The following GABRB2 variants were observed in gnomAD, a reference collection of about 807,000 sequenced individuals.
The protein encoded by GABRB2 is gamma-aminobutyric acid receptor subunit beta-2.
GABRB2 carries 16 observed loss-of-function variants against 54.7 expected under a neutral mutation model. The observed-to-expected ratio is 0.29, with a 90% CI of 0.20 to 0.44. GABRB2 has a LOEUF of 0.44. Among genes scored for constraint, GABRB2 ranks in the 20% least tolerant of loss-of-function variants. The pLI is 1.00. For missense variants in GABRB2, 355 were observed against 644.0 expected, an observed-to-expected ratio of 0.55 and a Z score of 4.86; for synonymous variants, 244 against 233.8, an observed-to-expected ratio of 1.04 and a Z score of -0.40.
chr5:161,409,567 A>G (rs1316531759), intron 5 of GABRB2, among the ~76,000 whole-genome samples: 1 of 152,114 alleles, frequency 6.6e-6, no homozygotes, highest in Non-Finnish European at 1.5e-5. Flanking sequence ...ATATCCCAGA[A>G]TAATTTTCCC....
Position 161,336,687 on chromosome 5 carries a change from T to A in GABRB2, c.624A>T (p.Pro208=). The part of the protein sequence containing the change: ...AVTGVTKIEL[P]QFSIVDYKLI... Reference sequence around the variant, plus strand: ...GTTTGTAATCTACAATAGAGAACTGTGGAAGTTCAATTTTCGTTACTCCTG... The same window carrying A: ...GTTTGTAATCTACAATAGAGAACTGAGGAAGTTCAATTTTCGTTACTCCTG... The change falls in exon 6 of 10, where the codon CCA becomes CCT. Residue 208 remains proline, a synonymous_variant. Transcript: ENST00000393959. 1 of 1,613,480 alleles carries A rather than the reference T, an allele frequency of 6.2e-7. No homozygotes were observed. Among genetic ancestry groups the A allele is most frequent in the South Asian group, 1.1e-5 (1 of 91,060 alleles).
intron 5 of GABRB2, among the ~76,000 whole-genome samples, chr5:161,355,386 TAAC>T (rs921007385): frequency 3.2e-4 from 48 of 149,576 alleles, no homozygotes; most frequent in African/African-American, 1.1e-3. Flanking sequence ...AATGATGTCA[TAAC>T]AACTGTCACA....
intron 8 of GABRB2, chr5:161,329,894 C>A (rs2113395651): frequency 6.6e-6 from 1 of 152,250 alleles, no homozygotes; most frequent in East Asian, 1.9e-4. Flanking sequence ...GTTAGTGCAG[C>A]AAGTGCTATA....
In GABRB2 at chr5:161,290,625, T is replaced by G. The variant is rs1757211592; in HGVS notation, c.*3456A>C. ...CAACATATGAATGCATATATATGTA[T>G]GTATGTTTATATGAATCTATATATA... On this transcript the variant is annotated 3_prime_UTR_variant, in exon 10 of 10. Transcript: ENST00000393959. 6.6e-6 allele frequency: 1 copy of G among 152,606 alleles called. No individual in the cohort carries two copies. The highest frequency in any genetic ancestry group is 6.6e-5 in the Admixed American group (1 of 15,258). 9.5% of individuals were successfully genotyped at this position (152,606 alleles called of 1,614,324 possible). A position where few individuals can be genotyped will look rare whatever the true frequency, so the allele number is the denominator to read the frequency against.
chr5:161,498,211 A>G (rs1009326343), intron 3 of GABRB2, among the ~76,000 whole-genome samples: 2 of 152,182 alleles, frequency 1.3e-5, no homozygotes, highest in African/African-American at 4.8e-5. Context: ...CTTAAAATAA[A>G]TCATATTGGG....
intron 5 of GABRB2, among the ~76,000 whole-genome samples, chr5:161,347,513 T>G (rs970708116): frequency 3.3e-5 from 5 of 152,244 alleles, no homozygotes; most frequent in African/African-American, 1.2e-4. Context: ...CCTTGCTACT[T>G]GCTTTAATCA....
chr5:161,385,992 GTGTGTT>G (rs964969978), intron 5 of GABRB2, among the ~76,000 whole-genome samples: 2 of 135,074 alleles, frequency 1.5e-5, no homozygotes, highest in Admixed American at 7.8e-5. Flanking sequence ...GTGTGTGTGT[GTGTGTT>G]ACTTGAGAAT....
intron 3 of GABRB2, among the ~76,000 whole-genome samples, chr5:161,519,707 T>C (rs1760055060): frequency 6.6e-6 from 1 of 152,122 alleles, no homozygotes. Flanking sequence ...AGAAAAATCT[T>C]TCACATTTTT....
intron 3 of GABRB2, among the ~76,000 whole-genome samples, chr5:161,480,853 T>C (rs762958118): frequency 2.0e-5 from 3 of 151,926 alleles, no homozygotes; most frequent in Non-Finnish European, 2.9e-5. Flanking sequence ...AAAGTTTAAT[T>C]TGAGGGTGAA....
At chr5:161,342,391 A>G (rs566239011) in intron 5 of GABRB2, among the ~76,000 whole-genome samples, 99 of 152,148 alleles carry the variant, frequency 6.5e-4, no homozygotes, top group African/African-American at 2.3e-3. Flanking sequence ...TATTAGTAAA[A>G]CTTGATTTCT....
chr5:161,400,687 T>C (rs982354651), intron 5 of GABRB2, among the ~76,000 whole-genome samples: 5 of 152,170 alleles, frequency 3.3e-5, no homozygotes, highest in Non-Finnish European at 7.3e-5. Context: ...GCTTCACTTT[T>C]GAGAACCCGT....
intron 4 of GABRB2, among the ~76,000 whole-genome samples, chr5:161,412,052 G>T (rs796957873): frequency 2.6e-5 from 4 of 152,126 alleles, no homozygotes; most frequent in South Asian, 4.1e-4. Context: ...ACTGTAGTGT[G>T]AGGGGCACTA....
intron 3 of GABRB2, among the ~76,000 whole-genome samples, chr5:161,484,689 A>G (rs914977724): frequency 1.3e-5 from 2 of 152,026 alleles, no homozygotes; most frequent in Non-Finnish European, 2.9e-5. Flanking sequence ...TAAACTCTAC[A>G]TATACAATGA....
At chr5:161,297,918 A>G (rs1031297061) in intron 9 of GABRB2, among the ~76,000 whole-genome samples, 6 of 152,094 alleles carry the variant, frequency 3.9e-5, no homozygotes, top group African/African-American at 7.2e-5. Flanking sequence ...AAGTGTTCCT[A>G]TTTCTCCACA....
At chr5:161,350,102 T>C (rs2113432718) in intron 5 of GABRB2, among the ~76,000 whole-genome samples, 1 of 152,196 alleles carries the variant, frequency 6.6e-6, no homozygotes, top group African/African-American at 2.4e-5. Flanking sequence ...ACAGCTAACA[T>C]TCTACTTAAT....
At chr5:161,326,869 C>T (rs1437759792) in intron 8 of GABRB2, 8 of 453,572 alleles carry the variant, frequency 1.8e-5, no homozygotes, top group Admixed American at 6.4e-5. Context: ...GCAAATACCA[C>T]GGTGGTAAAA....
intron 5 of GABRB2, among the ~76,000 whole-genome samples, chr5:161,403,488 G>T (rs988471177): frequency 1.3e-5 from 2 of 152,034 alleles, no homozygotes; most frequent in South Asian, 2.1e-4. Context: ...GACTTGATCT[G>T]GTCAAATTAG....
chr5:161,319,123 C>A (rs1758131388), intron 9 of GABRB2, among the ~76,000 whole-genome samples: 4 of 146,722 alleles, frequency 2.7e-5, no homozygotes, highest in African/African-American at 7.6e-5. Flanking sequence ...ATTTTATTAG[C>A]TGTTTTTTTT....
chr5:161,399,066 C>T (rs1031972519), intron 5 of GABRB2, among the ~76,000 whole-genome samples: 4 of 152,114 alleles, frequency 2.6e-5, no homozygotes, highest in Non-Finnish European at 2.9e-5. Context: ...GGTTCTGTCT[C>T]ATAAAGTAAG....
Sources: allele counts gnomAD v4.1 joint callset (sites outside exome capture counted in the v4.1 genomes callset), GRCh38; gene constraint gnomAD v4.1.1; transcripts MANE v1.5; gene names NCBI Gene and HGNC (gene_info 2026-07-23, HGNC 2026-07-21).